Variants in ADAM7 observed in about 807,000 individuals in gnomAD.
The protein encoded by ADAM7 is disintegrin and metalloproteinase domain-containing protein 7.
A neutral mutation model predicts 102.9 loss-of-function variants in ADAM7; 97 were observed. The ratio of observed to expected loss-of-function variants is 0.94; its 90% CI spans 0.80 to 1.12. The LOEUF is 1.12. Among genes scored for constraint, ADAM7 ranks in the 50% most tolerant of loss-of-function variants. ADAM7 has a pLI of 0.00. For synonymous variants in ADAM7, 334 were observed against 304.4 expected (o/e 1.10, Z -1.01); for missense variants, 991 against 908.7 (o/e 1.09, Z -1.16).
At chr8:24,463,831 TC>T in intron 3 of ADAM7, 50 bp from the exon 4 acceptor site, 1 of 1,464,596 alleles carries the variant, frequency 6.8e-7, no homozygotes, top group South Asian at 1.1e-5. Context: ...GTTTTATCTG[TC>T]AGGTTTTTAG....
intron 3 of ADAM7, among the ~76,000 whole-genome samples, chr8:24,455,308 T>C (rs1428821817): frequency 2.6e-5 from 4 of 152,174 alleles, no homozygotes; most frequent in Admixed American, 1.3e-4. Flanking sequence ...AATCCATTCA[T>C]CCTCCATGTT....
chr8:24,458,124 G>C (rs1338086378), intron 3 of ADAM7, among the ~76,000 whole-genome samples: 1 of 152,118 alleles, frequency 6.6e-6, no homozygotes, highest in Non-Finnish European at 1.5e-5. Context: ...AAGGCACAAT[G>C]TGTAACTCTT....
intron 3 of ADAM7, among the ~76,000 whole-genome samples, chr8:24,460,453 C>T (rs902940149): frequency 3.3e-5 from 5 of 151,812 alleles, no homozygotes; most frequent in Non-Finnish European, 2.9e-5. Flanking sequence ...ATGTTTATCT[C>T]CTCTGTTACT....
rs771134729 is a variant in ADAM7, at chr8:24,491,887, T to C, written c.1357-16T>C. 1 of 1,570,694 alleles carries C rather than the reference T, an allele frequency of 6.4e-7. No individual in the cohort carries two copies. Among genetic ancestry groups the C allele is most frequent in the Admixed American group, 1.9e-5 (1 of 52,648 alleles). ...AAATGTATCCAGGATTTAGTCTCTTTGTTTTTCCTCAACAGATAAAAAAAG... is the reference window on the plus strand; with the variant it reads ...AAATGTATCCAGGATTTAGTCTCTTCGTTTTTCCTCAACAGATAAAAAAAG... On this transcript the variant is annotated splice_polypyrimidine_tract_variant and intron_variant, in intron 13 of 21. Transcript: ENST00000175238.
chr8:24,463,858 C>T (rs776636404), intron 3 of ADAM7, 24 bp from the exon 4 acceptor site: 10 of 1,592,124 alleles, frequency 6.3e-6, no homozygotes, highest in Non-Finnish European at 8.6e-6. Context: ...ACAAATCTCA[C>T]CACCTGTCTG....
At chr8:24,489,448 A>T (rs902789424) in intron 12 of ADAM7, 115 bp downstream of exon 12, 2 of 1,023,784 alleles carry the variant, frequency 2.0e-6, no homozygotes, top group African/African-American at 3.3e-5. Context: ...ACTTTTAAAA[A>T]TTTTGCTTTC....
Position 24,466,976 on chromosome 8 carries a change from C to T in ADAM7, c.567C>T (p.Asp189=). Residue 189 remains aspartate (D), a synonymous_variant, in exon 6 of 22, where the codon GAC becomes GAT. Transcript: ENST00000175238. ...CAGGGGATAATGAATCTGAAGAAGA[C>T]TCCAAAATAAAAGTGAGTACTTTAT... ...TVPGDNESEE[D]SKIKGIHDEK... 6.2e-7 allele frequency: 1 copy of T among 1,613,272 alleles called. No individual in the cohort carries two copies. The highest frequency in any genetic ancestry group is 1.1e-5 in the South Asian group (1 of 91,028).
chr8:24,442,444 G>A (rs758632805), intron 1 of ADAM7, 29 bp from the exon 2 acceptor site: 39 of 1,476,236 alleles, frequency 2.6e-5, no homozygotes, highest in Non-Finnish European at 3.6e-5. Context: ...AATGTCAGAC[G>A]GATTTTTTCC....
intron 20 of ADAM7, among the ~76,000 whole-genome samples, chr8:24,505,502 C>T (rs1427647160): frequency 1.3e-5 from 2 of 152,112 alleles, no homozygotes; most frequent in Non-Finnish European, 2.9e-5. Context: ...GTATTATAAA[C>T]AATAATGATT....
intron 16 of ADAM7, 96 bp from the exon 17 acceptor site, chr8:24,499,140 C>A: frequency 1.2e-6 from 1 of 863,050 alleles, no homozygotes; most frequent in Admixed American, 2.9e-5. Context: ...ATGTAAATTA[C>A]ATGCAAAATT....
At chr8:24,507,643 ATC>A in intron 21 of ADAM7, 108 bp downstream of exon 21, 1 of 851,016 alleles carries the variant, frequency 1.2e-6, no homozygotes, top group Non-Finnish European at 1.8e-6. Flanking sequence ...CTCTGTACTT[ATC>A]ACAACAGATT....
chr8:24,499,580 T>C (rs1310469136), intron 17 of ADAM7, among the ~76,000 whole-genome samples: 1 of 152,136 alleles, frequency 6.6e-6, no homozygotes, highest in African/African-American at 2.4e-5. Flanking sequence ...CAGTGATTCA[T>C]GTATGTATAA....
At chr8:24,495,319 T>C (rs1175287317) in intron 16 of ADAM7, among the ~76,000 whole-genome samples, 1 of 152,158 alleles carries the variant, frequency 6.6e-6, no homozygotes, top group Non-Finnish European at 1.5e-5. Flanking sequence ...ACACATATGT[T>C]GAATTACCTG....
chr8:24,456,472 A>G (rs1819037833), intron 3 of ADAM7, among the ~76,000 whole-genome samples: 1 of 152,120 alleles, frequency 6.6e-6, no homozygotes, highest in African/African-American at 2.4e-5. Context: ...GTGATTCCAA[A>G]TCTTTTACGT....
intron 21 of ADAM7, among the ~76,000 whole-genome samples, chr8:24,508,221 G>T (rs1348447180): frequency 6.6e-6 from 1 of 152,122 alleles, no homozygotes; most frequent in Non-Finnish European, 1.5e-5. Flanking sequence ...CCGAAAAGCA[G>T]GGCATTTTCT....
At chr8:24,496,974 T>G (rs1483176376) in intron 16 of ADAM7, among the ~76,000 whole-genome samples, 1 of 152,190 alleles carries the variant, frequency 6.6e-6, no homozygotes, top group Non-Finnish European at 1.5e-5. Flanking sequence ...TGATGTGGTT[T>G]GGCTGTGTCT....
chr8:24,485,179 C>A, intron 9 of ADAM7, 98 bp from the exon 10 acceptor site: 1 of 1,094,114 alleles, frequency 9.1e-7, no homozygotes, highest in South Asian at 1.4e-5. Context: ...TTTTCACATG[C>A]AAAAGCATTG....
At chr8:24,507,878 T>C (rs73548750) in intron 21 of ADAM7, among the ~76,000 whole-genome samples, 1,822 of 152,262 alleles carry the variant, frequency 0.012, 31 homozygotes, top group African/African-American at 0.04. Context: ...TCTTCAAGTA[T>C]GTTAAAAGAC....
At chr8:24,489,368 A>G (rs1820256939) in intron 12 of ADAM7, 35 bp downstream of exon 12, 2 of 1,576,500 alleles carry the variant, frequency 1.3e-6, no homozygotes, top group African/African-American at 1.3e-5. Context: ...AAATTGCAAA[A>G]TTTATGATCA....
Sources: allele counts gnomAD v4.1 joint callset (sites outside exome capture counted in the v4.1 genomes callset), GRCh38; gene constraint gnomAD v4.1.1; transcripts MANE v1.5; gene names NCBI Gene and HGNC (gene_info 2026-07-23, HGNC 2026-07-21).